CHL1: variants seen among roughly 807,000 people sequenced by gnomAD.
CHL1 encodes the protein neural cell adhesion molecule L1-like protein.
Under a neutral mutation model 141.9 loss-of-function variants are expected in CHL1, and 96 were observed. That is an observed-to-expected ratio of 0.68 (90% CI 0.57 to 0.80). The LOEUF is 0.80. Ranked by LOEUF, CHL1 falls within the 30% of genes least tolerant of loss-of-function variation. The pLI is 0.00. For synonymous variants in CHL1, 613 were observed against 502.2 expected, an observed-to-expected ratio of 1.22 and a Z score of -2.95; for missense variants, 1,820 against 1,457.2, an observed-to-expected ratio of 1.25 and a Z score of -4.05.
intron 15 of CHL1, among the ~76,000 whole-genome samples, chr3:370,303 C>G (rs2125320591): frequency 6.6e-6 from 1 of 152,228 alleles, no homozygotes; most frequent in Middle Eastern, 3.4e-3. Flanking sequence ...AGGGATTCAA[C>G]TTCTTCTGGA....
chr3:200,066 T>C (rs1434918673), intron 1 of CHL1, among the ~76,000 whole-genome samples: 2 of 152,196 alleles, frequency 1.3e-5, no homozygotes, highest in African/African-American at 4.8e-5. Context: ...GGAATTAGTG[T>C]GACAGCTTCT....
intron 9 of CHL1, 29 bp from the exon 10 acceptor site, chr3:349,330 A>T (rs756384214): frequency 6.3e-7 from 1 of 1,575,278 alleles, no homozygotes. Context: ...TTTTAAAAAA[A>T]TGTTTATTTA....
At chr3:304,809 T>C (rs1349528096) in intron 2 of CHL1, among the ~76,000 whole-genome samples, 3 of 152,236 alleles carry the variant, frequency 2.0e-5, no homozygotes, top group Non-Finnish European at 4.4e-5. Flanking sequence ...CTGTTTCTTC[T>C]CTAGTTCTTT....
intron 2 of CHL1, among the ~76,000 whole-genome samples, chr3:257,504 C>A (rs464768): frequency 0.089 from 13,476 of 152,036 alleles, 995 homozygotes; most frequent in East Asian, 0.38. Flanking sequence ...CAGGTGCCTG[C>A]CACCATGCCT....
At chr3:248,950 A>G (rs1246486579) in intron 2 of CHL1, among the ~76,000 whole-genome samples, 1 of 152,224 alleles carries the variant, frequency 6.6e-6, no homozygotes, top group African/African-American at 2.4e-5. Flanking sequence ...GCACAGCTAA[A>G]CAAATAACTC....
intron 26 of CHL1, among the ~76,000 whole-genome samples, chr3:401,155 G>T (rs1186884396): frequency 1.3e-5 from 2 of 152,062 alleles, no homozygotes; most frequent in African/African-American, 4.8e-5. Flanking sequence ...GCCCACCTTG[G>T]CCTCCCAAAG....
intron 18 of CHL1, among the ~76,000 whole-genome samples, chr3:383,490 A>T (rs11919049): frequency 0.014 from 2,122 of 152,032 alleles, 50 homozygotes; most frequent in African/African-American, 0.047. Flanking sequence ...TTAAATTAAA[A>T]TTTTTTTTTA....
At chr3:381,835 G>A (rs1428752915) in intron 16 of CHL1, among the ~76,000 whole-genome samples, 1 of 152,054 alleles carries the variant, frequency 6.6e-6, no homozygotes. Flanking sequence ...GAGAGTCTGG[G>A]TTCCAGAAAA....
chr3:281,569 T>C (rs1157232014), intron 2 of CHL1, among the ~76,000 whole-genome samples: 1 of 151,490 alleles, frequency 6.6e-6, no homozygotes, highest in Non-Finnish European at 1.5e-5. Flanking sequence ...CTTTTTTTTT[T>C]TTTTTTTTGA....
intron 15 of CHL1, among the ~76,000 whole-genome samples, chr3:375,660 A>G (rs1407485742): frequency 6.6e-6 from 1 of 152,118 alleles, no homozygotes; most frequent in Non-Finnish European, 1.5e-5. Context: ...GATTAATATT[A>G]TTAGTAACAC....
intron 2 of CHL1, among the ~76,000 whole-genome samples, chr3:255,837 T>G (rs1694106747): frequency 6.6e-6 from 1 of 152,210 alleles, no homozygotes; most frequent in Admixed American, 6.5e-5. Flanking sequence ...GTAGCTGTTT[T>G]GTTTGTCGTG....
At chr3:369,955 T>C (rs1705411640) in intron 15 of CHL1, among the ~76,000 whole-genome samples, 1 of 152,128 alleles carries the variant, frequency 6.6e-6, no homozygotes, top group South Asian at 2.1e-4. Flanking sequence ...AGCTGACTTG[T>C]TCATGGTGGA....
At chr3:314,355 ATATATATATATAT>A (rs1408012956) in intron 2 of CHL1, among the ~76,000 whole-genome samples, 5 of 116,474 alleles carry the variant, frequency 4.3e-5, no homozygotes, top group African/African-American at 1.8e-4. Flanking sequence ...ATATATATAT[ATATATATATATAT>A]ATCTGCTTCA....
chr3:323,947 A>G (rs1700801131), intron 3 of CHL1, among the ~76,000 whole-genome samples: 1 of 152,150 alleles, frequency 6.6e-6, no homozygotes, highest in Non-Finnish European at 1.5e-5. Flanking sequence ...AAAGGTTTTC[A>G]TAAAATATGT....
chr3:314,854 G>A (rs1700045596), intron 2 of CHL1, among the ~76,000 whole-genome samples: 1 of 152,146 alleles, frequency 6.6e-6, no homozygotes, highest in African/African-American at 2.4e-5. Flanking sequence ...TAGCTTCTTA[G>A]GAGGAGCTAC....
At chr3:299,845 T>C (rs1446938343) in intron 2 of CHL1, among the ~76,000 whole-genome samples, 2 of 152,054 alleles carry the variant, frequency 1.3e-5, no homozygotes, top group African/African-American at 4.8e-5. Flanking sequence ...AAAAAATAAA[T>C]CTACGAATAG....
chr3:231,753 T>A (rs1701885116), intron 1 of CHL1, among the ~76,000 whole-genome samples: 1 of 151,926 alleles, frequency 6.6e-6, no homozygotes, highest in Non-Finnish European at 1.5e-5. Context: ...ATTTTTGTAT[T>A]TTTAGTAGAG....
At chr3:269,319 G>A (rs1440576133) in intron 2 of CHL1, among the ~76,000 whole-genome samples, 1 of 152,114 alleles carries the variant, frequency 6.6e-6, no homozygotes, top group Non-Finnish European at 1.5e-5. Context: ...GTACAGACTG[G>A]TGCACGTGAA....
intron 11 of CHL1, among the ~76,000 whole-genome samples, chr3:356,729 A>T (rs1012426748): frequency 2.0e-5 from 3 of 152,106 alleles, no homozygotes; most frequent in Non-Finnish European, 4.4e-5. Flanking sequence ...TGTGTTGAGG[A>T]GGAGAAAAGA....
Sources: allele counts gnomAD v4.1 joint callset (sites outside exome capture counted in the v4.1 genomes callset), GRCh38; gene constraint gnomAD v4.1.1; transcripts MANE v1.5; gene names NCBI Gene and HGNC (gene_info 2026-07-23, HGNC 2026-07-21).